The following ANKRD52 variants were observed in gnomAD, a reference collection of about 807,000 sequenced individuals.
ANKRD52 encodes the protein ankyrin repeat domain 52.
ANKRD52 carries 7 observed loss-of-function variants against 116.0 expected under a neutral mutation model. The ratio of observed to expected loss-of-function variants is 0.06; its 90% confidence interval spans 0.03 to 0.11. The LOEUF is 0.11. Among genes scored for constraint, ANKRD52 ranks in the 10% least tolerant of loss-of-function variants. The pLI, the probability that ANKRD52 is intolerant of heterozygous loss-of-function variation, is 1.00. For missense variants in ANKRD52, 839 were observed against 1,408.6 expected, an observed-to-expected ratio of 0.60 and a Z score of 6.47; for synonymous variants, 528 against 578.1, an observed-to-expected ratio of 0.91 and a Z score of 1.24.
At position 56,248,790 on chromosome 12, in the gene ANKRD52, G is replaced by A. The variant is rs1158857946; in HGVS notation, c.1673C>T (p.Ala558Val). ...GAGGTTCTGTCTGTTGCCATAGGCG[G>A]CTGCATAGTGCACAGCTGTGTAGCC... ...RQGYTAVHYA[A>V]AYGNRQNLEL... The change falls in exon 16 of 28, where the codon GCC (alanine) becomes GTC (valine). Residue 558 changes from alanine (A) to valine (V), a missense_variant. Ala to Val is a moderately conservative substitution (Grantham distance 64, BLOSUM62 0). Transcript: ENST00000267116. This position sits in a 1 kb window ranked among gnomAD's most constrained non-coding sequence, Gnocchi z 5.1. The A allele has an allele frequency of 6.2e-7, 1 of 1,611,110 alleles. No individual in the cohort carries two copies.
In ANKRD52 at chr12:56,252,400, AAC is replaced by A. The variant is rs1871747174; in HGVS notation, c.1371-87_1371-86del. On this transcript the variant is annotated intron_variant, in intron 13 of 27. Coordinates refer to ENST00000267116, the MANE Select transcript of ANKRD52 (RefSeq NM_173595.4). The surrounding 1 kb of genome is among the most constrained non-coding windows in gnomAD (Gnocchi z 4.7). ...GATGTGCAGCCAAATGCTGCTTTGTAACATTCTCCTTATTTAAGTCTCCAATC... is the reference window on the plus strand; with the variant it reads ...GATGTGCAGCCAAATGCTGCTTTGTAATTCTCCTTATTTAAGTCTCCAATC... 6 of 1,595,606 alleles carry A rather than the reference AAC, an allele frequency of 3.8e-6. 1 individual carries two copies. In the East Asian group the frequency reaches 1.3e-4, roughly 36 times the overall value.
chr12:56,257,486 T>A, intron 2 of ANKRD52, 125 bp from the exon 3 acceptor site: 1 of 902,854 alleles, frequency 1.1e-6, no homozygotes, highest in African/African-American at 1.7e-5. Context: ...TGCAGCGTCC[T>A]AAGTCCCGGT....
Position 56,248,910 on chromosome 12 carries a change from C to T in ANKRD52, c.1593-40G>A. 6.8e-7 allele frequency: 1 copy of T among 1,466,032 alleles called. No individual in the cohort carries two copies. The allele number at this position is 1,466,032 out of a possible 1,614,324, so 90.8% of individuals were successfully genotyped here. A position where few individuals can be genotyped will look rare whatever the true frequency, so the allele number is the denominator to read the frequency against. On this transcript the variant is annotated intron_variant, in intron 15 of 27. Coordinates refer to ENST00000267116, the MANE Select transcript of ANKRD52 (RefSeq NM_173595.4). This position sits in a 1 kb window ranked among gnomAD's most constrained non-coding sequence, Gnocchi z 5.1. ...GTAGACTGTGAGGCAGGGACAGGCC[C>T]AGCCCAGGAGGGCACAGTTCTGGGA...
rs899898315 is a variant in ANKRD52, at chr12:56,253,158, A to G, written c.1101-72T>C. On this transcript the variant is annotated intron_variant, in intron 10 of 27. Coordinates refer to ENST00000267116, the MANE Select transcript of ANKRD52 (RefSeq NM_173595.4). This position sits in a 1 kb window ranked among gnomAD's most constrained non-coding sequence, Gnocchi z 5.5. ...AGTAAGACCTCTTCTGTGACCTACC[A>G]CCACCCTAGAGTCAGGGTAGGAGGT... 63 of 1,439,516 alleles carry G rather than the reference A, an allele frequency of 4.4e-5. No individual in the cohort carries two copies. Among genetic ancestry groups the G allele is most frequent in the Non-Finnish European group, 5.9e-5 (62 of 1,057,686 alleles). 89.2% of individuals were successfully genotyped at this position (1,439,516 alleles called of 1,614,324 possible). A position where few individuals can be genotyped will look rare whatever the true frequency, so the allele number is the denominator to read the frequency against.
Position 56,248,793 on chromosome 12 carries a change from G to A in ANKRD52, c.1670C>T (p.Ala557Val), listed in dbSNP as rs371726982. 1.2e-6 allele frequency: 2 copies of A among 1,611,204 alleles called. No individual in the cohort carries two copies. Among genetic ancestry groups the A allele is most frequent in the South Asian group, 1.1e-5 (1 of 90,698 alleles). ...GTTCTGTCTGTTGCCATAGGCGGCT[G>A]CATAGTGCACAGCTGTGTAGCCCTG... is the stretch of plus-strand genomic sequence containing the variant. ...DRQGYTAVHY[A>V]AAYGNRQNLE... The change falls in exon 16 of 28, where the codon GCA becomes GTA. Residue 557 changes from alanine to valine, a missense_variant. By Grantham distance (64) the Ala-to-Val change is moderately conservative. Around this residue, in one of 2 missense-constraint regions of ANKRD52, gnomAD observed 552 missense variants for 810.6 expected, o/e 0.68. Coordinates refer to ENST00000267116, the MANE Select transcript of ANKRD52 (RefSeq NM_173595.4). The surrounding 1 kb of genome is among the most constrained non-coding windows in gnomAD (Gnocchi z 5.1).
intron 15 of ANKRD52, among the ~76,000 whole-genome samples, chr12:56,249,095 C>G (rs969669977): frequency 1.3e-5 from 2 of 152,242 alleles, no homozygotes; most frequent in African/African-American, 4.8e-5. Context: ...TCAATGCCCT[C>G]CTTTATCCTC....
Position 56,243,627 on chromosome 12 carries a change from C to G in ANKRD52, c.2980+158G>C, listed in dbSNP as rs552028422. Among the ~76,000 whole-genome samples the G allele has an allele frequency of 6.6e-6, 1 of 152,204 alleles. No homozygotes were observed. The highest frequency in any genetic ancestry group is 2.4e-5 in the African/African-American group (1 of 41,460). On this transcript the variant is annotated intron_variant, in intron 27 of 27. Coordinates refer to ENST00000267116, the MANE Select transcript of ANKRD52 (RefSeq NM_173595.4). This position sits in a 1 kb window ranked among gnomAD's most constrained non-coding sequence, Gnocchi z 4.6. ...TGTGGAGTCCTCCTGACCCTGCAGG[C>G]TCCCCTCTGAGACTCCAGAGTACTG...
chr12:56,243,127 G>C lies in ANKRD52; in HGVS notation c.*15C>G. The C allele has an allele frequency of 6.4e-7, 1 of 1,573,094 alleles. No homozygotes were observed. The highest frequency in any genetic ancestry group is 8.6e-7 in the Non-Finnish European group (1 of 1,157,812). On this transcript the variant is annotated 3_prime_UTR_variant, in exon 28 of 28. Coordinates refer to ENST00000267116, the MANE Select transcript of ANKRD52 (RefSeq NM_173595.4). This position sits in a 1 kb window ranked among gnomAD's most constrained non-coding sequence, Gnocchi z 4.6. Reference sequence around the variant, plus strand: ...AGATATCAAGCCACCGGCGGGGGAGGGACACTGGAGGGGGCTACTCAGAGT... The same window carrying C: ...AGATATCAAGCCACCGGCGGGGGAGCGACACTGGAGGGGGCTACTCAGAGT...
At position 56,253,608 on chromosome 12, in the gene ANKRD52, G is replaced by T. The variant is rs1483244079; in HGVS notation, c.985+114C>A. 8.3e-7 allele frequency: 1 copy of T among 1,207,692 alleles called. No homozygotes were observed. Among genetic ancestry groups the T allele is most frequent in the Non-Finnish European group, 1.2e-6 (1 of 842,042 alleles). 74.8% of individuals were successfully genotyped at this position (1,207,692 alleles called of 1,614,324 possible). ...CAGGTCCCTTGGTCAGAGTTCCAAG[G>T]GCCTATCCTACTGGAAGAGGGCAGG... On this transcript the variant is annotated intron_variant, in intron 9 of 27. Transcript: ENST00000267116. This position sits in a 1 kb window ranked among gnomAD's most constrained non-coding sequence, Gnocchi z 5.5.
chr12:56,243,120 G>T lies in ANKRD52; in HGVS notation c.*22C>A, dbSNP rs752429054. The T allele has an allele frequency of 6.4e-7, 1 of 1,566,456 alleles. No homozygotes were observed. ...TAGAATTAGATATCAAGCCACCGGC[G>T]GGGGAGGGACACTGGAGGGGGCTAC... On this transcript the variant is annotated 3_prime_UTR_variant, in exon 28 of 28. Coordinates refer to ENST00000267116, the MANE Select transcript of ANKRD52 (RefSeq NM_173595.4). The surrounding 1 kb of genome is among the most constrained non-coding windows in gnomAD (Gnocchi z 4.6).
At position 56,252,747 on chromosome 12, in the gene ANKRD52, G is replaced by A. The variant is rs1871763790; in HGVS notation, c.1301+33C>T. On this transcript the variant is annotated intron_variant, in intron 12 of 27. Coordinates refer to ENST00000267116, the MANE Select transcript of ANKRD52 (RefSeq NM_173595.4). This position sits in a 1 kb window ranked among gnomAD's most constrained non-coding sequence, Gnocchi z 4.7. Reference sequence around the variant, plus strand: ...GGCCCAGACCTTTGCCCAGCTCCCTGCTCAAAGCATGGGAGAGAGAAAGAG... The same window carrying A: ...GGCCCAGACCTTTGCCCAGCTCCCTACTCAAAGCATGGGAGAGAGAAAGAG... 1.2e-6 allele frequency: 2 copies of A among 1,601,162 alleles called. No homozygotes were observed. Among genetic ancestry groups the A allele is most frequent in the Admixed American group, 1.7e-5 (1 of 59,766 alleles).
chr12:56,256,328 T>C (rs1348655444), intron 4 of ANKRD52, among the ~76,000 whole-genome samples: 2 of 152,172 alleles, frequency 1.3e-5, no homozygotes, highest in African/African-American at 4.8e-5. Flanking sequence ...CTACTACTTC[T>C]AGGAAAACTA....
Position 56,244,970 on chromosome 12 carries a change from T to C in ANKRD52, c.2512A>G (p.Thr838Ala), listed in dbSNP as rs750443035. The C allele has an allele frequency of 1.9e-6, 3 of 1,613,886 alleles. No individual in the cohort carries two copies. ...HCAVINNQDS[T>A]TEMLLGALGA... ...AGAGCTCCCAGTAGCATCTCTGTGG[T>C]GCTGTCTTGGTTATTAATCCTAGAG... The change falls in exon 23 of 28, where the codon ACC becomes GCC. Residue 838 changes from threonine (T) to alanine (A), a missense_variant. Physicochemically the swap from Thr to Ala is moderately conservative, Grantham distance 58 (BLOSUM62 0). This residue lies in a region of ANKRD52 where 552 missense variants were observed against 810.6 expected (regional missense o/e 0.68). Transcript: ENST00000267116. The surrounding 1 kb of genome is among the most constrained non-coding windows in gnomAD (Gnocchi z 4.9).
Position 56,253,985 on chromosome 12 carries a change from CA to C in ANKRD52, c.906+81del. 6.9e-7 allele frequency: 1 copy of C among 1,444,220 alleles called. No homozygotes were observed. The highest frequency in any genetic ancestry group is 9.6e-7 in the Non-Finnish European group (1 of 1,045,450). 89.5% of individuals were successfully genotyped at this position (1,444,220 alleles called of 1,614,324 possible). ...CCTAGGAAGCAAGTGGATAATTCCC[CA>C]AGAGAGCTATCCAGATACAGTCAGG... On this transcript the variant is annotated intron_variant, in intron 8 of 27. Transcript: ENST00000267116. This position sits in a 1 kb window ranked among gnomAD's most constrained non-coding sequence, Gnocchi z 5.5.
Position 56,242,627 on chromosome 12 carries a change from C to T in ANKRD52, c.*515G>A, listed in dbSNP as rs192439110. 2.0e-3 allele frequency: 344 copies of T among 169,368 alleles called. No individual in the cohort carries two copies. Among genetic ancestry groups the T allele is most frequent in the Middle Eastern group, 5.6e-3 (2 of 354 alleles). 10.5% of individuals were successfully genotyped at this position (169,368 alleles called of 1,614,324 possible). On this transcript the variant is annotated 3_prime_UTR_variant, in exon 28 of 28. Transcript: ENST00000267116. The surrounding 1 kb of genome is among the most constrained non-coding windows in gnomAD (Gnocchi z 4.3). Reference sequence around the variant, plus strand: ...TCCTCCCCCCTCATCCTCTAGCTGCCCCTGAAGGGGGGAGGGGGACACCCC... The same window carrying T: ...TCCTCCCCCCTCATCCTCTAGCTGCTCCTGAAGGGGGGAGGGGGACACCCC...
chr12:56,248,326 T>G lies in ANKRD52; in HGVS notation c.1777-102A>C. On this transcript the variant is annotated intron_variant, in intron 17 of 27. Coordinates refer to ENST00000267116, the MANE Select transcript of ANKRD52 (RefSeq NM_173595.4). This position sits in a 1 kb window ranked among gnomAD's most constrained non-coding sequence, Gnocchi z 5.1. ...GTCCCTGGGAAGCTCAAGGTCTTAG[T>G]CCTTGACAAGCTCCTTGGGCCCCTT... The G allele has an allele frequency of 6.8e-7, 1 of 1,475,366 alleles. No homozygotes were observed. Among genetic ancestry groups the G allele is most frequent in the Non-Finnish European group, 9.4e-7 (1 of 1,068,226 alleles). The allele number at this position is 1,475,366 out of a possible 1,614,324, so 91.4% of individuals were successfully genotyped here.
rs995207551 is a variant in ANKRD52, at chr12:56,248,217, T to C, written c.1784A>G (p.Asn595Ser). Residue 595 changes from asparagine to serine, a missense_variant, in exon 18 of 28, where the codon AAC becomes AGC. Transcript: ENST00000267116. The surrounding 1 kb of genome is among the most constrained non-coding windows in gnomAD (Gnocchi z 5.1). ...PVSPLHLAAY[N>S]GHCEALKTLA... The stretch of plus-strand genomic sequence containing the variant: ...CGTCTTCAAGGCTTCACAGTGACCG[T>C]TGTAGGCCTGGCAAGGTGCAGGCAA... 9.9e-6 allele frequency: 16 copies of C among 1,613,632 alleles called. No homozygotes were observed. Among genetic ancestry groups the C allele is most frequent in the African/African-American group, 5.3e-5 (4 of 74,936 alleles).
In ANKRD52 at chr12:56,240,156, G is replaced by C. The variant is rs546807731; in HGVS notation, c.*2986C>G. ...CAGGGGAGGTGGCCCGTCAGTCTCA[G>C]TGGACAGTGGCAGTGACCCGGGTCT... On this transcript the variant is annotated 3_prime_UTR_variant, in exon 28 of 28. Coordinates refer to ENST00000267116, the MANE Select transcript of ANKRD52 (RefSeq NM_173595.4). This position sits in a 1 kb window ranked among gnomAD's most constrained non-coding sequence, Gnocchi z 4.2. 1 of 152,608 alleles carries C rather than the reference G, an allele frequency of 6.6e-6. No homozygotes were observed. The highest frequency in any genetic ancestry group is 2.1e-4 in the South Asian group (1 of 4,838). 9.5% of individuals were successfully genotyped at this position (152,608 alleles called of 1,614,324 possible).
chr12:56,258,019 G>A (rs1415741220), intron 1 of ANKRD52, 108 bp from the exon 2 acceptor site: 1 of 1,308,942 alleles, frequency 7.6e-7, no homozygotes, highest in Non-Finnish European at 1.1e-6. Flanking sequence ...TCCGTGGAGG[G>A]GCTCCACTCT....
Sources: gnomAD v4.1 joint callset for allele counts (sites outside exome capture counted in the v4.1 genomes callset) on GRCh38, gnomAD v4.1.1 for gene constraint, gnomAD v4.1.1 regional missense constraint, Gnocchi (gnomAD v3.1) non-coding constraint, MANE v1.5 for transcripts, NCBI Gene and HGNC (gene_info 2026-07-23, HGNC 2026-07-21) for gene names.